ADAMTSL1: variants seen among roughly 807,000 people sequenced by gnomAD.
ADAMTSL1 encodes ADAMTS like 1, also known as ADAMTS-like protein 1.
A neutral mutation model predicts 201.8 loss-of-function variants in ADAMTSL1; 126 were observed. The ratio of observed to expected loss-of-function variants is 0.62; its 90% CI spans 0.54 to 0.72. The LOEUF (loss-of-function observed/expected upper bound fraction) is 0.72. ADAMTSL1 is among the 30% of genes least tolerant of loss of function. The probability of loss-of-function intolerance (pLI) is 0.00; values close to 1 mark genes in which losing one functional copy is unlikely to be tolerated. For missense variants in ADAMTSL1, 2,679 were observed against 2,277.8 expected, an observed-to-expected ratio of 1.18 and a Z score of -3.59; for synonymous variants, 1,121 against 903.4, an observed-to-expected ratio of 1.24 and a Z score of -4.32.
At chr9:18,618,928 T>C (rs1825862597) in intron 4 of ADAMTSL1, among the ~76,000 whole-genome samples, 1 of 152,156 alleles carries the variant, frequency 6.6e-6, no homozygotes, top group Non-Finnish European at 1.5e-5. Flanking sequence ...AGAAGATGGA[T>C]ATTTGATGAC....
intron 1 of ADAMTSL1, among the ~76,000 whole-genome samples, chr9:18,162,431 C>G (rs1827434758): frequency 6.6e-6 from 1 of 151,996 alleles, no homozygotes; most frequent in South Asian, 2.1e-4. Context: ...CCAGGTAAAG[C>G]AAGTGTGTGT....
At chr9:18,564,133 C>T (rs1821723612) in intron 3 of ADAMTSL1, among the ~76,000 whole-genome samples, 1 of 152,202 alleles carries the variant, frequency 6.6e-6, no homozygotes, top group African/African-American at 2.4e-5. Flanking sequence ...ACCCTGGGCC[C>T]TGGTTGCGTG....
At chr9:18,542,505 G>C (rs1178671564) in intron 3 of ADAMTSL1, among the ~76,000 whole-genome samples, 2 of 152,110 alleles carry the variant, frequency 1.3e-5, no homozygotes, top group African/African-American at 4.8e-5. Flanking sequence ...GGTCATTAAG[G>C]TGGGCCCTAA....
intron 25 of ADAMTSL1, among the ~76,000 whole-genome samples, chr9:18,891,327 T>G (rs1455718589): frequency 6.6e-6 from 1 of 152,192 alleles, no homozygotes; most frequent in Non-Finnish European, 1.5e-5. Context: ...CAGGTAGCTG[T>G]TTTTTAACCG....
intron 1 of ADAMTSL1, among the ~76,000 whole-genome samples, chr9:17,996,261 C>T (rs1819375874): frequency 1.3e-5 from 2 of 151,796 alleles, no homozygotes; most frequent in South Asian, 2.1e-4. Flanking sequence ...ATTAAAAGAA[C>T]AACCGCTGTA....
intron 4 of ADAMTSL1, among the ~76,000 whole-genome samples, chr9:18,583,704 C>T (rs561387176): frequency 6.6e-6 from 1 of 152,286 alleles, no homozygotes; most frequent in East Asian, 1.9e-4. Context: ...TGCAGAGCCA[C>T]CAGGACGGAG....
At chr9:18,713,416 A>C (rs1235966071) in intron 14 of ADAMTSL1, among the ~76,000 whole-genome samples, 5 of 152,242 alleles carry the variant, frequency 3.3e-5, no homozygotes. Flanking sequence ...TCTACCAAGC[A>C]AGTGGAAAAC....
chr9:18,517,647 CTA>C (rs1818440430), intron 2 of ADAMTSL1, among the ~76,000 whole-genome samples: 2 of 151,092 alleles, frequency 1.3e-5, no homozygotes, highest in Admixed American at 6.6e-5. Flanking sequence ...CAATTCCCAC[CTA>C]TGAGTGAGAT....
In ADAMTSL1 at chr9:18,734,770, C is replaced by G. The variant is rs533302322; in HGVS notation, c.2006+13105C>G. Among the ~76,000 whole-genome samples, 5 of 152,234 alleles carry G rather than the reference C, an allele frequency of 3.3e-5. 1 individual carries two copies. Among genetic ancestry groups the G allele is most frequent in the African/African-American group, 1.2e-4 (5 of 41,544 alleles). On this transcript the variant is annotated intron_variant, in intron 15 of 28. Transcript: ENST00000380548. ...AAATATTTTTTCTTAAAAATCTAAT[C>G]ACACGTGTGATTGATATACTAATTA...
chr9:18,176,193 A>C (rs767854010), intron 2 of ADAMTSL1, among the ~76,000 whole-genome samples: 1 of 152,026 alleles, frequency 6.6e-6, no homozygotes, highest in Non-Finnish European at 1.5e-5. Context: ...AACTTTACTT[A>C]TCATTTTATA....
At chr9:18,576,287 A>G (rs1381844182) in intron 4 of ADAMTSL1, among the ~76,000 whole-genome samples, 1 of 152,198 alleles carries the variant, frequency 6.6e-6, no homozygotes, top group South Asian at 2.1e-4. Context: ...CTAACAAGAA[A>G]TTTAGTTTGG....
chr9:18,124,490 A>G (rs187625564), intron 1 of ADAMTSL1, among the ~76,000 whole-genome samples: 3 of 152,280 alleles, frequency 2.0e-5, no homozygotes, highest in Admixed American at 2.0e-4. Flanking sequence ...CTAGGCCTGC[A>G]TCAGACATAT....
intron 2 of ADAMTSL1, among the ~76,000 whole-genome samples, chr9:18,313,390 T>G (rs572561361): frequency 6.6e-5 from 10 of 152,160 alleles, no homozygotes; most frequent in African/African-American, 9.7e-5. Flanking sequence ...TGATCATTAT[T>G]TCTAACAATT....
At chr9:18,733,437 T>G (rs1564190638) in intron 15 of ADAMTSL1, among the ~76,000 whole-genome samples, 1 of 152,306 alleles carries the variant, frequency 6.6e-6, no homozygotes, top group East Asian at 1.9e-4. Flanking sequence ...CTAAAGTGAA[T>G]GTCTTCAACC....
At chr9:18,298,376 A>ACTGGATAAG (rs1211901263) in intron 2 of ADAMTSL1, among the ~76,000 whole-genome samples, 1 of 152,192 alleles carries the variant, frequency 6.6e-6, no homozygotes, top group Non-Finnish European at 1.5e-5. Context: ...TCAGATGACA[A>ACTGGATAAG]AAAGTGTTCT....
intron 4 of ADAMTSL1, among the ~76,000 whole-genome samples, chr9:18,578,262 CA>C: frequency 6.6e-6 from 1 of 152,244 alleles, no homozygotes; most frequent in East Asian, 1.9e-4. Context: ...ATTATGAAAA[CA>C]ATAGGTTTAA....
At chr9:17,946,690 A>T (rs2811823) in intron 1 of ADAMTSL1, among the ~76,000 whole-genome samples, 10 of 152,060 alleles carry the variant, frequency 6.6e-5, no homozygotes, top group Non-Finnish European at 1.2e-4. Context: ...GAGAATTTCC[A>T]ATTAAATCTT....
chr9:18,163,838 A>G (rs1409515093), intron 1 of ADAMTSL1: 1 of 152,022 alleles, frequency 6.6e-6, no homozygotes, highest in African/African-American at 2.4e-5. Context: ...CTGAAGGCTT[A>G]ATTCAGCTAC....
chr9:18,726,155 A>T (rs1228721026), intron 15 of ADAMTSL1, among the ~76,000 whole-genome samples: 2 of 152,210 alleles, frequency 1.3e-5, no homozygotes, highest in Non-Finnish European at 2.9e-5. Context: ...CGTGATTTTT[A>T]AAAATTCAGG....
Sources: gnomAD v4.1 joint callset for allele counts (sites outside exome capture counted in the v4.1 genomes callset) on GRCh38, gnomAD v4.1.1 for gene constraint, MANE v1.5 for transcripts, NCBI Gene and HGNC (gene_info 2026-07-23, HGNC 2026-07-21) for gene names.